The following TRAPPC9 variants were observed in gnomAD, a reference collection of about 807,000 sequenced individuals.
The protein encoded by TRAPPC9 is IKK2 binding protein.
Under a neutral mutation model 124.0 loss-of-function variants are expected in TRAPPC9, and 83 were observed. That is an observed-to-expected ratio of 0.67 (90% confidence interval 0.56 to 0.80). The LOEUF (loss-of-function observed/expected upper bound fraction) is 0.80. Ranked by LOEUF, TRAPPC9 falls within the 30% of genes least tolerant of loss-of-function variation. TRAPPC9 has a pLI of 0.00. For missense variants in TRAPPC9, 1,302 were observed against 1,508.3 expected (o/e 0.86, Z 2.27); for synonymous variants, 638 against 617.5 (o/e 1.03, Z -0.49).
chr8:140,170,089 A>C (rs1391431384), intron 17 of TRAPPC9, among the ~76,000 whole-genome samples: 8 of 152,204 alleles, frequency 5.3e-5, no homozygotes, highest in Admixed American at 5.2e-4. Flanking sequence ...GGAAGCAATA[A>C]AATTATTATA....
chr8:140,227,388 G>A (rs1307480855), intron 16 of TRAPPC9, among the ~76,000 whole-genome samples: 1 of 152,130 alleles, frequency 6.6e-6, no homozygotes, highest in African/African-American at 2.4e-5. Context: ...AACAGATGAA[G>A]GCGGCCTAGT....
intron 17 of TRAPPC9, among the ~76,000 whole-genome samples, chr8:140,029,054 T>C (rs771298007): frequency 6.6e-6 from 1 of 152,236 alleles, no homozygotes; most frequent in Non-Finnish European, 1.5e-5. Context: ...GTACAGATCC[T>C]ACAACCATTA....
chr8:140,163,157 C>T (rs2061778794), intron 17 of TRAPPC9, among the ~76,000 whole-genome samples: 1 of 152,332 alleles, frequency 6.6e-6, no homozygotes, highest in African/African-American at 2.4e-5. Context: ...TTGCCAACCA[C>T]CAGTCCCGCC....
At chr8:139,922,697 C>T (rs1396571936) in intron 19 of TRAPPC9, among the ~76,000 whole-genome samples, 1 of 152,220 alleles carries the variant, frequency 6.6e-6, no homozygotes, top group African/African-American at 2.4e-5. Flanking sequence ...GGCCCAGAGG[C>T]CAAAGCCCAG....
intron 17 of TRAPPC9, among the ~76,000 whole-genome samples, chr8:140,183,893 AGAG>A (rs1194311942): frequency 0.038 from 308 of 8,018 alleles, 12 homozygotes; most frequent in African/African-American, 0.12. Flanking sequence ...GAAGAAGAGG[AGAG>A]GAGAGGAGAG....
intron 16 of TRAPPC9, among the ~76,000 whole-genome samples, chr8:140,247,551 A>T (rs1485520243): frequency 1.3e-5 from 2 of 151,754 alleles, no homozygotes; most frequent in African/African-American, 4.9e-5. Flanking sequence ...TTCATGCAAC[A>T]GTTTCAAGGG....
chr8:139,839,434 G>A (rs559678053), intron 21 of TRAPPC9, among the ~76,000 whole-genome samples: 29 of 152,326 alleles, frequency 1.9e-4, no homozygotes, highest in Non-Finnish European at 2.9e-4. Flanking sequence ...GGACAGACAG[G>A]CCACCAGGTA....
At chr8:139,851,392 G>T (rs1827446525) in intron 21 of TRAPPC9, among the ~76,000 whole-genome samples, 1 of 152,198 alleles carries the variant, frequency 6.6e-6, no homozygotes, top group Admixed American at 6.5e-5. Flanking sequence ...GACCACAGAT[G>T]TCACCAACTG....
chr8:140,250,996 A>G (rs974403361), intron 16 of TRAPPC9, among the ~76,000 whole-genome samples: 1 of 152,188 alleles, frequency 6.6e-6, no homozygotes, highest in Admixed American at 6.5e-5. Context: ...AGTCCCCTCT[A>G]TAACAAAAGG....
At chr8:140,030,211 G>A (rs1339349060) in intron 17 of TRAPPC9, among the ~76,000 whole-genome samples, 1 of 152,136 alleles carries the variant, frequency 6.6e-6, no homozygotes, top group Non-Finnish European at 1.5e-5. Context: ...GGAATGTTTT[G>A]CATCTAAAAT....
At chr8:139,875,416 C>G (rs1049690177) in intron 21 of TRAPPC9, among the ~76,000 whole-genome samples, 1 of 152,220 alleles carries the variant, frequency 6.6e-6, no homozygotes, top group South Asian at 2.1e-4. Context: ...TGAACAGAGG[C>G]CTCTCCAAAT....
In TRAPPC9 at chr8:140,311,266, G is replaced by A. The variant is rs1026052483; in HGVS notation, c.1604C>T (p.Thr535Ile). Reference sequence around the variant, plus strand: ...ATCTCACCTGACGATGGGAAGCTTGGTGAAGGGCACCGGTGGCAGGGTGAG... The same window carrying A: ...ATCTCACCTGACGATGGGAAGCTTGATGAAGGGCACCGGTGGCAGGGTGAG... ...GGLTLPPVPF[T>I]KLPIVRHVKL... The change falls in exon 10 of 23, where the codon ACC becomes ATC. Residue 535 changes from threonine to isoleucine, a missense_variant. Physicochemically the swap from Thr to Ile is moderately conservative, Grantham distance 89. Transcript: ENST00000438773. 4 of 1,612,230 alleles carry A rather than the reference G, an allele frequency of 2.5e-6. No homozygotes were observed. Among genetic ancestry groups the A allele is most frequent in the African/African-American group, 2.7e-5 (2 of 74,946 alleles).
chr8:139,896,178 C>A (rs1830656120), intron 20 of TRAPPC9, among the ~76,000 whole-genome samples: 1 of 152,208 alleles, frequency 6.6e-6, no homozygotes, highest in Admixed American at 6.5e-5. Context: ...AGCCTGTGCA[C>A]AAGAATGGCA....
intron 18 of TRAPPC9, among the ~76,000 whole-genome samples, chr8:140,013,458 A>T (rs1035943974): frequency 6.6e-6 from 1 of 152,232 alleles, no homozygotes; most frequent in African/African-American, 2.4e-5. Flanking sequence ...CCTGCCACAC[A>T]TCGTTCACAC....
intron 16 of TRAPPC9, among the ~76,000 whole-genome samples, chr8:140,245,260 G>A (rs1011162283): frequency 3.3e-5 from 5 of 152,122 alleles, no homozygotes; most frequent in East Asian, 1.9e-4. Flanking sequence ...AGAAGCCCTC[G>A]ATTTGCCCAT....
chr8:139,780,880 CA>C (rs1298699312), intron 21 of TRAPPC9, among the ~76,000 whole-genome samples: 4 of 150,738 alleles, frequency 2.7e-5, no homozygotes, highest in Non-Finnish European at 3.0e-5. Flanking sequence ...GACATTTCAA[CA>C]AAAAAGAGGG....
intron 17 of TRAPPC9, among the ~76,000 whole-genome samples, chr8:140,171,086 A>C (rs2061956503): frequency 6.6e-6 from 1 of 152,238 alleles, no homozygotes; most frequent in Non-Finnish European, 1.5e-5. Flanking sequence ...ATGATGTCTG[A>C]AACTGAAAAC....
intron 17 of TRAPPC9, among the ~76,000 whole-genome samples, chr8:140,201,315 A>T (rs2062784320): frequency 6.6e-6 from 1 of 152,254 alleles, no homozygotes; most frequent in Non-Finnish European, 1.5e-5. Flanking sequence ...AATTAATTAC[A>T]GTTGTTTATG....
At chr8:140,258,303 C>T (rs72688863) in intron 15 of TRAPPC9, among the ~76,000 whole-genome samples, 16,239 of 152,282 alleles carry the variant, frequency 0.11, 1,108 homozygotes, top group Admixed American at 0.17. Flanking sequence ...CGTTCACACG[C>T]TCCCTGGCAC....
Sources: gnomAD v4.1 joint callset for allele counts (sites outside exome capture counted in the v4.1 genomes callset) on GRCh38, gnomAD v4.1.1 for gene constraint, MANE v1.5 for transcripts, NCBI Gene and HGNC (gene_info 2026-07-23, HGNC 2026-07-21) for gene names.